The following STX11 variants were observed in gnomAD, a reference collection of about 807,000 sequenced individuals.
STX11 encodes the protein syntaxin 11, also known as syntaxin-11.
A neutral mutation model predicts 19.9 loss-of-function variants in STX11; 21 were observed. That is an observed-to-expected ratio of 1.06 (90% CI 0.75 to 1.52). The LOEUF is 1.52. STX11 is among the 40% of genes most tolerant of loss of function. The pLI, the probability that STX11 is intolerant of heterozygous loss-of-function variation, is 0.00. For synonymous variants in STX11, 193 were observed against 174.4 expected, an observed-to-expected ratio of 1.11 and a Z score of -0.84; for missense variants, 438 against 405.9, an observed-to-expected ratio of 1.08 and a Z score of -0.68.
Position 144,154,162 on chromosome 6 carries a change from T to G in STX11, c.-6+3459T>G, listed in dbSNP as rs1171900326. Among the ~76,000 whole-genome samples, 2 of 152,200 alleles carry G rather than the reference T, an allele frequency of 1.3e-5. No individual in the cohort carries two copies. Among genetic ancestry groups the G allele is most frequent in the African/African-American group, 4.8e-5 (2 of 41,454 alleles). On this transcript the variant is annotated intron_variant, in intron 1 of 1. Transcript: ENST00000367568. This position sits in a 1 kb window ranked among gnomAD's most constrained non-coding sequence, Gnocchi z 4.7. ...ATCCCAAGCACTTGGTTCCAGAGCT[T>G]GCATTCTGAAGCACCCTGCTGTGAT...
rs545415131 is a variant in STX11, at chr6:144,172,476, C to T, written c.-5-14147C>T. Reference sequence around the variant, plus strand: ...TGCTTGCTCCATGTTTCCTCCCATCCTCTTGGTCAAAGCAAGTCTCATGGC... The same window carrying T: ...TGCTTGCTCCATGTTTCCTCCCATCTTCTTGGTCAAAGCAAGTCTCATGGC... On this transcript the variant is annotated intron_variant, in intron 1 of 1. Transcript: ENST00000367568. The surrounding 1 kb of genome is among the most constrained non-coding windows in gnomAD (Gnocchi z 4.2). Among the ~76,000 whole-genome samples, 1 of 152,274 alleles carries T rather than the reference C, an allele frequency of 6.6e-6. No individual in the cohort carries two copies. Among genetic ancestry groups the T allele is most frequent in the East Asian group, 1.9e-4 (1 of 5,180 alleles).
chr6:144,150,468 C>G, upstream of STX11: 2 of 982,954 alleles, frequency 2.0e-6, no homozygotes, highest in Non-Finnish European at 2.4e-6. Context: ...GGGCCTGGTC[C>G]CCAGCTGTGG....
chr6:144,179,420 A>G (rs1048891469), intron 1 of STX11, among the ~76,000 whole-genome samples: 2 of 152,254 alleles, frequency 1.3e-5, no homozygotes, highest in African/African-American at 4.8e-5. Flanking sequence ...ATTATTGTTT[A>G]TGAACCTGTT....
At position 144,186,936 on chromosome 6, in the gene STX11, G is replaced by A; in HGVS notation, c.309G>A (p.Lys103=). ...CCCGGGGCGAGGTCATCCACTGCAA[G>A]CTGCGCGCCATGAAGGAGCTGAGCG... ...IKARGEVIHC[K]LRAMKELSEA... The change falls in exon 2 of 2, where the codon AAG becomes AAA. Residue 103 remains lysine (K), a synonymous_variant. Coordinates refer to ENST00000367568, the MANE Select transcript of STX11 (RefSeq NM_003764.4). 6.2e-7 allele frequency: 1 copy of A among 1,609,958 alleles called. No individual in the cohort carries two copies. Among genetic ancestry groups the A allele is most frequent in the Non-Finnish European group, 8.5e-7 (1 of 1,179,950 alleles).
At chr6:144,147,850 G>A (rs913619789), upstream of STX11, among the ~76,000 whole-genome samples, 3 of 152,124 alleles carry the variant, frequency 2.0e-5, no homozygotes, top group Admixed American at 6.6e-5. The surrounding 1 kb of genome is among the most constrained non-coding windows in gnomAD (Gnocchi z 4.2). Context: ...AGGCTGCAGG[G>A]AACCATGATC....
the STX11 span, among the ~76,000 whole-genome samples, chr6:144,144,755 G>A: frequency 1.3e-5 from 2 of 152,108 alleles, no homozygotes; most frequent in Non-Finnish European, 2.9e-5. Flanking sequence ...AGGTGTACTG[G>A]CTGAGACTTG....
At position 144,165,113 on chromosome 6, in the gene STX11, GTTAT is replaced by G. The variant is rs1801443472; in HGVS notation, c.-6+14413_-6+14416del. Among the ~76,000 whole-genome samples the G allele has an allele frequency of 1.3e-5, 2 of 152,058 alleles. No individual in the cohort carries two copies. The highest frequency in any genetic ancestry group is 2.9e-5 in the Non-Finnish European group (2 of 68,012). On this transcript the variant is annotated intron_variant, in intron 1 of 1. Transcript: ENST00000367568. The surrounding 1 kb of genome is among the most constrained non-coding windows in gnomAD (Gnocchi z 5.8). Reference sequence around the variant, plus strand: ...GGTTTTGTTTTGCAGGGAGATATTGGTTATTTGTCTTCTTTGACAGGTGTAATGC... The same window carrying G: ...GGTTTTGTTTTGCAGGGAGATATTGGTTGTCTTCTTTGACAGGTGTAATGC...
chr6:144,186,165 T>C (rs924601411), intron 1 of STX11, among the ~76,000 whole-genome samples: 1 of 102,778 alleles, frequency 9.7e-6, no homozygotes, highest in African/African-American at 3.9e-5. Flanking sequence ...CAGGGCCTGT[T>C]GTGGGGTGGG....
At chr6:144,185,479 G>A (rs1338332410) in intron 1 of STX11, among the ~76,000 whole-genome samples, 4 of 152,126 alleles carry the variant, frequency 2.6e-5, no homozygotes, top group South Asian at 2.1e-4. Flanking sequence ...AAAAATGAAA[G>A]TTTTTCACTT....
intron 1 of STX11, among the ~76,000 whole-genome samples, chr6:144,157,993 A>C (rs1185294833): frequency 1.4e-5 from 2 of 138,932 alleles, no homozygotes; most frequent in African/African-American, 6.2e-5. Flanking sequence ...GGGGAAAAAC[A>C]AAAAAAAAAG....
At position 144,176,048 on chromosome 6, in the gene STX11, G is replaced by A. The variant is rs1341762266; in HGVS notation, c.-5-10575G>A. Among the ~76,000 whole-genome samples, 1 of 152,188 alleles carries A rather than the reference G, an allele frequency of 6.6e-6. No homozygotes were observed. The highest frequency in any genetic ancestry group is 1.5e-5 in the Non-Finnish European group (1 of 68,028). On this transcript the variant is annotated intron_variant, in intron 1 of 1. Coordinates refer to ENST00000367568, the MANE Select transcript of STX11 (RefSeq NM_003764.4). This position sits in a 1 kb window ranked among gnomAD's most constrained non-coding sequence, Gnocchi z 4.1. ...CCACTTTTAGGAAAAAGAAAGAAGT[G>A]GCTGGGCTACTGCAGACAGGTTCTT... is the stretch of plus-strand genomic sequence containing the variant.
rs1192867256 is a variant in STX11 at position 144,190,717 on chromosome 6, GCTTGGCAGGTGTTCTTTCCTAATT to G, written c.*3230_*3253del. Among the ~76,000 whole-genome samples, 1 of 152,110 alleles carries G rather than the reference GCTTGGCAGGTGTTCTTTCCTAATT, an allele frequency of 6.6e-6. No homozygotes were observed. Among genetic ancestry groups the G allele is most frequent in the African/African-American group, 2.4e-5 (1 of 41,408 alleles). ...AAGCAGGAAGCAGCTGTTCTGCTCA[GCTTGGCAGGTGTTCTTTCCTAATT>G]CTTCCCAAGCTGTGAGTCAGAAAGT... On this transcript the variant is annotated 3_prime_UTR_variant, in exon 2 of 2. Transcript: ENST00000367568.
rs145899982 is a variant in STX11 at position 144,150,722 on chromosome 6, G to A, written c.-6+19G>A. ...AGTCCAGGTTTGTTTTTCTCTTCCT[G>A]AGCCCCCATTTCTCTTCCTGACTAT... On this transcript the variant is annotated intron_variant, in intron 1 of 1. Transcript: ENST00000367568. The A allele has an allele frequency of 2.0e-6, 2 of 980,318 alleles. No individual in the cohort carries two copies. Among genetic ancestry groups the A allele is most frequent in the Non-Finnish European group, 2.4e-6 (2 of 828,378 alleles). 60.7% of individuals were successfully genotyped at this position (980,318 alleles called of 1,614,324 possible).
upstream of STX11, among the ~76,000 whole-genome samples, chr6:144,149,290 T>C (rs369171072): frequency 6.6e-5 from 10 of 152,310 alleles, no homozygotes; most frequent in African/African-American, 2.4e-4. The surrounding 1 kb of genome is among the most constrained non-coding windows in gnomAD (Gnocchi z 5.1). Context: ...TATTTATTTA[T>C]TCAATTATTT....
At chr6:144,142,257 T>C in the STX11 span, among the ~76,000 whole-genome samples, 1 of 152,072 alleles carries the variant, frequency 6.6e-6, no homozygotes, top group Non-Finnish European at 1.5e-5. Flanking sequence ...TTAATATTGG[T>C]ATCAGCATTA....
rs1801568633 is a variant in STX11, at chr6:144,169,437, C to T, written c.-5-17186C>T. 6.6e-6 allele frequency among the ~76,000 whole-genome samples: 1 copy of T among 152,172 alleles called. No individual in the cohort carries two copies. Among genetic ancestry groups the T allele is most frequent in the South Asian group, 2.1e-4 (1 of 4,830 alleles). On this transcript the variant is annotated intron_variant, in intron 1 of 1. Coordinates refer to ENST00000367568, the MANE Select transcript of STX11 (RefSeq NM_003764.4). The surrounding 1 kb of genome is among the most constrained non-coding windows in gnomAD (Gnocchi z 5.2). ...TGATGCTGTGTCTTTTCTAAAATTT[C>T]CGTAACCAGCCTTTTGATTATTTAC...
chr6:144,182,534 T>A lies in STX11; in HGVS notation c.-5-4089T>A, dbSNP rs1801933920. On this transcript the variant is annotated intron_variant, in intron 1 of 1. Coordinates refer to ENST00000367568, the MANE Select transcript of STX11 (RefSeq NM_003764.4). The surrounding 1 kb of genome is among the most constrained non-coding windows in gnomAD (Gnocchi z 4.8). ...GCTTGGGCCCTTACCTGATTTATAA[T>A]TTGCTATCTATGACTTTATGGTTGT... is the stretch of plus-strand genomic sequence containing the variant. 6.6e-6 allele frequency among the ~76,000 whole-genome samples: 1 copy of A among 152,218 alleles called. No homozygotes were observed. Among genetic ancestry groups the A allele is most frequent in the African/African-American group, 2.4e-5 (1 of 41,446 alleles).
rs949982452 is a variant in STX11 at position 144,183,422 on chromosome 6, A to G, written c.-5-3201A>G. 1.3e-5 allele frequency among the ~76,000 whole-genome samples: 2 copies of G among 152,270 alleles called. No individual in the cohort carries two copies. The highest frequency in any genetic ancestry group is 2.9e-5 in the Non-Finnish European group (2 of 68,050). ...GAAAATATTTTGAGCAATGAGTTTC[A>G]TACACTTTTGCATTATATCTTTAGA... On this transcript the variant is annotated intron_variant, in intron 1 of 1. Transcript: ENST00000367568. The surrounding 1 kb of genome is among the most constrained non-coding windows in gnomAD (Gnocchi z 4.6).
At chr6:144,186,054 C>CT (rs59082171) in intron 1 of STX11, among the ~76,000 whole-genome samples, 15,853 of 138,158 alleles carry the variant, frequency 0.11, 1,391 homozygotes, top group East Asian at 0.31. Context: ...CTTCTTTTTT[C>CT]TTTTTTTTTT....
Sources: allele counts gnomAD v4.1 joint callset (sites outside exome capture counted in the v4.1 genomes callset), GRCh38; gene constraint gnomAD v4.1.1; non-coding constraint Gnocchi (gnomAD v3.1); transcripts MANE v1.5; gene names NCBI Gene and HGNC (gene_info 2026-07-23, HGNC 2026-07-21).